OR4L1: variants seen among roughly 807,000 people sequenced by gnomAD.
The protein encoded by OR4L1 is olfactory receptor family 4 subfamily L member 1, also known as olfactory receptor 4L1.
For synonymous variants in OR4L1, 156 were observed against 135.3 expected, an observed-to-expected ratio of 1.15 and a Z score of -1.06; for missense variants, 446 against 368.5, an observed-to-expected ratio of 1.21 and a Z score of -1.72.
chr14:20,060,841 CA>C lies in OR4L1; in HGVS notation c.799del (p.Ser267AlafsTer16), dbSNP rs1566538837. On this transcript the variant is annotated frameshift_variant, in exon 1 of 1. Coordinates refer to ENST00000315683, the MANE Select transcript of OR4L1 (RefSeq NM_001004717.1). LOFTEE classifies it low-confidence loss of function (END_TRUNC). The part of the protein sequence containing the change: ...FIYVWPFSSL[A>X]SNKTLAVFYT... Reference sequence around the variant, plus strand: ...TATGTTTGGCCATTCAGTAGTTTGGCAAGCAATAAAACTCTTGCCGTATTTT... The same window carrying C: ...TATGTTTGGCCATTCAGTAGTTTGGCAGCAATAAAACTCTTGCCGTATTTT... 1.2e-6 allele frequency: 2 copies of C among 1,612,496 alleles called. No individual in the cohort carries two copies. The highest frequency in any genetic ancestry group is 1.7e-6 in the Non-Finnish European group (2 of 1,179,188).
chr14:20,060,828 T>G lies in OR4L1; in HGVS notation c.784T>G (p.Phe262Val), dbSNP rs1876728773. 2 of 1,612,534 alleles carry G rather than the reference T, an allele frequency of 1.2e-6. No individual in the cohort carries two copies. Among genetic ancestry groups the G allele is most frequent in the Non-Finnish European group, 8.5e-7 (1 of 1,179,242 alleles). The stretch of plus-strand genomic sequence containing the variant: ...TTGTATTTTTATCTATGTTTGGCCA[T>G]TCAGTAGTTTGGCAAGCAATAAAAC... ...GPCIFIYVWP[F>V]SSLASNKTLA... Residue 262 changes from phenylalanine (F) to valine (V), a missense_variant, in exon 1 of 1, where the codon TTC becomes GTC. Coordinates refer to ENST00000315683, the MANE Select transcript of OR4L1 (RefSeq NM_001004717.1).
chr14:20,060,874 T>C lies in OR4L1; in HGVS notation c.830T>C (p.Val277Ala). 6.2e-7 allele frequency: 1 copy of C among 1,609,662 alleles called. No homozygotes were observed. The highest frequency in any genetic ancestry group is 1.1e-5 in the South Asian group (1 of 90,000). ...SNKTLAVFYT[V>A]ITPLLNPSIY... ...AAAACTCTTGCCGTATTTTATACAG[T>C]TATCACACCCTTACTGAATCCGAGT... Residue 277 changes from valine (V) to alanine (A), a missense_variant, in exon 1 of 1, where the codon GTT becomes GCT. Val to Ala is a moderately conservative substitution (Grantham distance 64, BLOSUM62 0). Transcript: ENST00000315683.
Position 20,060,478 on chromosome 14 carries a change from C to T in OR4L1, c.434C>T (p.Ala145Val), listed in dbSNP as rs371358020. ...AGCCACAAGCTGCTAAAGGGGTTTG[C>T]GATACTTTCATGGATAATTGGTTTT... ...IMSHKLLKGF[A>V]ILSWIIGFLH... The change falls in exon 1 of 1, where the codon GCG (alanine) becomes GTG (valine). Residue 145 changes from alanine to valine, a missense_variant. Physicochemically the swap from Ala to Val is moderately conservative, Grantham distance 64. Coordinates refer to ENST00000315683, the MANE Select transcript of OR4L1 (RefSeq NM_001004717.1). The T allele has an allele frequency of 2.4e-5, 39 of 1,613,368 alleles. No homozygotes were observed. In the African/African-American group the frequency reaches 3.1e-4, roughly 13 times the overall value.
In OR4L1 at chr14:20,060,852, A is replaced by G; in HGVS notation, c.808A>G (p.Thr270Ala). ...ATTCAGTAGTTTGGCAAGCAATAAA[A>G]CTCTTGCCGTATTTTATACAGTTAT... ...WPFSSLASNK[T>A]LAVFYTVITP... is the part of the protein sequence containing the mutation. Residue 270 changes from threonine to alanine, a missense_variant, in exon 1 of 1, where the codon ACT (threonine) becomes GCT (alanine). Transcript: ENST00000315683. 1.2e-6 allele frequency: 2 copies of G among 1,611,310 alleles called. No homozygotes were observed. Among genetic ancestry groups the G allele is most frequent in the Non-Finnish European group, 1.7e-6 (2 of 1,178,564 alleles).
chr14:20,060,569 C>T lies in OR4L1; in HGVS notation c.525C>T (p.Asn175=). The part of the protein sequence containing the change: ...NLPFCGHNVI[N]NIFCDLPLVI... The stretch of plus-strand genomic sequence containing the variant: ...CTTTCTGTGGCCACAATGTCATAAA[C>T]AACATATTTTGTGATCTTCCCCTTG... The change falls in exon 1 of 1, where the codon AAC becomes AAT. Residue 175 remains asparagine, a synonymous_variant. Coordinates refer to ENST00000315683, the MANE Select transcript of OR4L1 (RefSeq NM_001004717.1). 1 of 1,612,148 alleles carries T rather than the reference C, an allele frequency of 6.2e-7. No homozygotes were observed. The highest frequency in any genetic ancestry group is 1.1e-5 in the South Asian group (1 of 90,684).
At position 20,060,791 on chromosome 14, in the gene OR4L1, G is replaced by A. The variant is rs745369587; in HGVS notation, c.747G>A (p.Leu249=). The A allele has an allele frequency of 4.3e-6, 7 of 1,612,130 alleles. No individual in the cohort carries two copies. The highest frequency in any genetic ancestry group is 4.5e-5 in the East Asian group (2 of 44,874). Residue 249 remains leucine, a synonymous_variant, in exon 1 of 1, where the codon CTG becomes CTA. Transcript: ENST00000315683. The part of the protein sequence containing the change: ...TLSAHIIVVT[L]FFGPCIFIYV... ...CTGCCCACATCATTGTGGTCACTCT[G>A]TTCTTTGGACCTTGTATTTTTATCT...
At position 20,060,614 on chromosome 14, in the gene OR4L1, T is replaced by G; in HGVS notation, c.570T>G (p.Ile190Met). Residue 190 changes from isoleucine to methionine, a missense_variant, in exon 1 of 1, where the codon ATT becomes ATG. Physicochemically the swap from Ile to Met is conservative, Grantham distance 10. Transcript: ENST00000315683. The part of the protein sequence containing the change: ...DLPLVIKLAC[I>M]ETYTLELFVI... Reference sequence around the variant, plus strand: ...CCCTTGTGATCAAGCTTGCTTGCATTGAAACATACACCCTGGAATTATTTG... The same window carrying G: ...CCCTTGTGATCAAGCTTGCTTGCATGGAAACATACACCCTGGAATTATTTG... 6.2e-7 allele frequency: 1 copy of G among 1,613,640 alleles called. No homozygotes were observed. Among genetic ancestry groups the G allele is most frequent in the Non-Finnish European group, 8.5e-7 (1 of 1,179,734 alleles).
rs1876726622 is a variant in OR4L1, at chr14:20,060,772, A to C, written c.728A>C (p.His243Pro). 6.2e-7 allele frequency: 1 copy of C among 1,612,698 alleles called. No homozygotes were observed. Among genetic ancestry groups the C allele is most frequent in the Non-Finnish European group, 8.5e-7 (1 of 1,179,322 alleles). The change falls in exon 1 of 1, where the codon CAC becomes CCC. Residue 243 changes from histidine (H) to proline (P), a missense_variant. His to Pro is a moderately conservative substitution (Grantham distance 77). Transcript: ENST00000315683. ...AAGGCGCTGTCCACATTGTCTGCCCACATCATTGTGGTCACTCTGTTCTTT... is the reference window on the plus strand; with the variant it reads ...AAGGCGCTGTCCACATTGTCTGCCCCCATCATTGTGGTCACTCTGTTCTTT... ...LSKALSTLSA[H>P]IIVVTLFFGP...
Position 20,060,882 on chromosome 14 carries a change from C to A in OR4L1, c.838C>A (p.Pro280Thr). ...TGCCGTATTTTATACAGTTATCACA[C>A]CCTTACTGAATCCGAGTATTTATAC... is the stretch of plus-strand genomic sequence containing the variant. ...TLAVFYTVIT[P>T]LLNPSIYTLR... The change falls in exon 1 of 1, where the codon CCC (proline) becomes ACC (threonine). Residue 280 changes from proline (P) to threonine (T), a missense_variant. Pro to Thr is a conservative substitution (Grantham distance 38). Transcript: ENST00000315683. The A allele has an allele frequency of 6.2e-7, 1 of 1,607,340 alleles. No homozygotes were observed.
Position 20,060,268 on chromosome 14 carries a change from C to T in OR4L1, c.224C>T (p.Thr75Ile). The T allele has an allele frequency of 6.2e-7, 1 of 1,609,018 alleles. No homozygotes were observed. The highest frequency in any genetic ancestry group is 8.5e-7 in the Non-Finnish European group (1 of 1,177,034). The change falls in exon 1 of 1, where the codon ACT becomes ATT. Residue 75 changes from threonine (T) to isoleucine (I), a missense_variant. Thr to Ile is a moderately conservative substitution (Grantham distance 89, BLOSUM62 -1). Transcript: ENST00000315683. ...TCTTTTTTGGACATGTGTCTCTCCA[C>T]TGCCACAACACCCAAGATGATCATA... Reference protein sequence around the residue: ...NLSFLDMCLSTATTPKMIIDL... With the variant: ...NLSFLDMCLSIATTPKMIIDL...
rs1594175457 is a variant in OR4L1 at position 20,060,146 on chromosome 14, C to G, written c.102C>G (p.Ile34Met). The stretch of plus-strand genomic sequence containing the variant: ...TCTTCTTTGTGACATTTTCCCTGAT[C>G]TACGGTGCTACTGTGATGGGAAACA... ...QIFFFVTFSL[I>M]YGATVMGNIL... Residue 34 changes from isoleucine to methionine, a missense_variant, in exon 1 of 1, where the codon ATC becomes ATG. Physicochemically the swap from Ile to Met is conservative, Grantham distance 10. Transcript: ENST00000315683. 3 of 1,601,160 alleles carry G rather than the reference C, an allele frequency of 1.9e-6. No individual in the cohort carries two copies. Among genetic ancestry groups the G allele is most frequent in the African/African-American group, 1.3e-5 (1 of 74,618 alleles).
At position 20,060,834 on chromosome 14, in the gene OR4L1, A is replaced by G. The variant is rs750723511; in HGVS notation, c.790A>G (p.Ser264Gly). ...CIFIYVWPFS[S>G]LASNKTLAVF... ...TTTTATCTATGTTTGGCCATTCAGT[A>G]GTTTGGCAAGCAATAAAACTCTTGC... The change falls in exon 1 of 1, where the codon AGT becomes GGT. Residue 264 changes from serine to glycine, a missense_variant. Ser to Gly is a moderately conservative substitution (Grantham distance 56). Transcript: ENST00000315683. 3.7e-6 allele frequency: 6 copies of G among 1,612,842 alleles called. No homozygotes were observed. The highest frequency in any genetic ancestry group is 1.7e-6 in the Non-Finnish European group (2 of 1,179,402).
Position 20,060,297 on chromosome 14 carries a change from TTGCTCACTGAC to T in OR4L1, c.254_264del (p.Leu85SerfsTer23). The T allele has an allele frequency of 3.8e-6, 2 of 526,268 alleles. No individual in the cohort carries two copies. Among genetic ancestry groups the T allele is most frequent in the Non-Finnish European group, 4.8e-6 (2 of 417,052 alleles). The allele number at this position is 526,268 out of a possible 1,614,324, so 32.6% of individuals were successfully genotyped here. A position where few individuals can be genotyped will look rare whatever the true frequency, so the allele number is the denominator to read the frequency against. On this transcript the variant is annotated frameshift_variant, in exon 1 of 1. Coordinates refer to ENST00000315683, the MANE Select transcript of OR4L1 (RefSeq NM_001004717.1). LOFTEE classifies it low-confidence loss of function (END_TRUNC). ...CACAACACCCAAGATGATCATAGAT[TTGCTCACTGAC>T]CACAAGACCATCTCTGTGTGGGGCT...
rs756384286 is a variant in OR4L1 at position 20,060,794 on chromosome 14, CTTTG to C, written c.751_754del (p.Phe251AspfsTer31). On this transcript the variant is annotated frameshift_variant, in exon 1 of 1. Transcript: ENST00000315683. LOFTEE classifies it low-confidence loss of function (END_TRUNC). ...CCCACATCATTGTGGTCACTCTGTT[CTTTG>C]GACCTTGTATTTTTATCTATGTTTG... The C allele has an allele frequency of 6.2e-7, 1 of 1,612,060 alleles. No homozygotes were observed. The highest frequency in any genetic ancestry group is 1.3e-5 in the African/African-American group (1 of 74,986).
rs147481957 is a variant in OR4L1, at chr14:20,060,405, G to C, written c.361G>C (p.Asp121His). The stretch of plus-strand genomic sequence containing the variant: ...GACTCTTCTGATAATCATGGCCTTT[G>C]ACAGGTATGTAGCCATATGTAAACC... ...EMTLLIIMAFDRYVAICKPLH... is the reference protein window; with the variant it reads ...EMTLLIIMAFHRYVAICKPLH... The change falls in exon 1 of 1, where the codon GAC becomes CAC. Residue 121 changes from aspartate to histidine, a missense_variant. Coordinates refer to ENST00000315683, the MANE Select transcript of OR4L1 (RefSeq NM_001004717.1). The C allele has an allele frequency of 1.6e-5, 26 of 1,609,354 alleles. No individual in the cohort carries two copies. In the African/African-American group the frequency reaches 1.7e-4, roughly 11 times the overall value.
chr14:20,060,953 C>T lies in OR4L1; in HGVS notation c.909C>T (p.Phe303=). The part of the protein sequence containing the change: ...KMQEAIRKLR[F]QYVSSAQNF The stretch of plus-strand genomic sequence containing the variant: ...AAGAGGCCATAAGAAAATTACGGTT[C>T]CAATATGTTAGTTCTGCACAGAATT... Residue 303 remains phenylalanine, a synonymous_variant, in exon 1 of 1, where the codon TTC becomes TTT. Coordinates refer to ENST00000315683, the MANE Select transcript of OR4L1 (RefSeq NM_001004717.1). 3 of 1,558,416 alleles carry T rather than the reference C, an allele frequency of 1.9e-6. No individual in the cohort carries two copies. Among genetic ancestry groups the T allele is most frequent in the South Asian group, 1.3e-5 (1 of 79,144 alleles).
Position 20,060,967 on chromosome 14 carries a change from C to A in OR4L1, c.923C>A (p.Ser308Tyr). 1 of 1,526,536 alleles carries A rather than the reference C, an allele frequency of 6.6e-7. No homozygotes were observed. The highest frequency in any genetic ancestry group is 1.4e-5 in the African/African-American group (1 of 72,078). The allele number at this position is 1,526,536 out of a possible 1,614,324, so 94.6% of individuals were successfully genotyped here. Residue 308 changes from serine (S) to tyrosine (Y), a missense_variant, in exon 1 of 1, where the codon TCT becomes TAT. Physicochemically the swap from Ser to Tyr is moderately radical, Grantham distance 144. Transcript: ENST00000315683. ...IRKLRFQYVS[S>Y]AQNF ...AAATTACGGTTCCAATATGTTAGTT[C>A]TGCACAGAATTTCTAGATGTTAGCA...
chr14:20,060,767 T>A lies in OR4L1; in HGVS notation c.723T>A (p.Ser241=). The A allele has an allele frequency of 6.2e-7, 1 of 1,612,852 alleles. No individual in the cohort carries two copies. The highest frequency in any genetic ancestry group is 8.5e-7 in the Non-Finnish European group (1 of 1,179,358). ...HGLSKALSTL[S]AHIIVVTLFF... ...TCTCCAAGGCGCTGTCCACATTGTCTGCCCACATCATTGTGGTCACTCTGT... is the reference window on the plus strand; with the variant it reads ...TCTCCAAGGCGCTGTCCACATTGTCAGCCCACATCATTGTGGTCACTCTGT... The change falls in exon 1 of 1, where the codon TCT becomes TCA. Residue 241 remains serine (S), a synonymous_variant. Transcript: ENST00000315683.
Position 20,060,329 on chromosome 14 carries a change from G to C in OR4L1, c.285G>C (p.Trp95Cys), listed in dbSNP as rs1876708761. The change falls in exon 1 of 1, where the codon TGG (tryptophan) becomes TGC (cysteine). Residue 95 changes from tryptophan (W) to cysteine (C), a missense_variant. By Grantham distance (215) the Trp-to-Cys change is radical. Coordinates refer to ENST00000315683, the MANE Select transcript of OR4L1 (RefSeq NM_001004717.1). ...LLTDHKTISV[W>C]GCVTQMFFMH... Reference sequence around the variant, plus strand: ...CTGACCACAAGACCATCTCTGTGTGGGGCTGCGTGACCCAGATGTTCTTCA... The same window carrying C: ...CTGACCACAAGACCATCTCTGTGTGCGGCTGCGTGACCCAGATGTTCTTCA... The C allele has an allele frequency of 6.2e-7, 1 of 1,600,508 alleles. No homozygotes were observed. Among genetic ancestry groups the C allele is most frequent in the Non-Finnish European group, 8.5e-7 (1 of 1,174,258 alleles).
Sources: gnomAD v4.1 joint callset for allele counts on GRCh38, gnomAD v4.1.1 for gene constraint, MANE v1.5 for transcripts, NCBI Gene and HGNC (gene_info 2026-07-23, HGNC 2026-07-21) for gene names.